Variants in KCNH1 observed in about 807,000 individuals in gnomAD.
The protein encoded by KCNH1 is potassium voltage-gated channel subfamily H member 1.
In KCNH1, 27 loss-of-function variants were observed where a neutral mutation model predicts 69.2. The observed-to-expected ratio is 0.39, with a 90% CI of 0.29 to 0.54. KCNH1 has a LOEUF of 0.54. Ranked by LOEUF, KCNH1 falls within the 20% of genes least tolerant of loss-of-function variation. The pLI is 0.68. For synonymous variants in KCNH1, 456 were observed against 487.7 expected, an observed-to-expected ratio of 0.93 and a Z score of 0.86; for missense variants, 798 against 1,261.6, an observed-to-expected ratio of 0.63 and a Z score of 5.57.
intron 9 of KCNH1, among the ~76,000 whole-genome samples, chr1:210,792,651 C>T (rs2102394224): frequency 6.6e-6 from 1 of 151,466 alleles, no homozygotes; most frequent in Admixed American, 6.6e-5. Flanking sequence ...CTGCTTGATG[C>T]AGCCTGGCCA....
At chr1:211,031,423 G>A (rs537072594) in intron 5 of KCNH1, among the ~76,000 whole-genome samples, 14 of 152,146 alleles carry the variant, frequency 9.2e-5, no homozygotes, top group South Asian at 4.2e-4. Context: ...TACCAAAGCC[G>A]GACAGAGACA....
rs143778420 is a variant in KCNH1, at chr1:210,927,190, A to G, written c.1033-7121T>C. On this transcript the variant is annotated intron_variant, in intron 6 of 10. Transcript: ENST00000271751. ...ACTTCCCCAGCCTTGCTAGAGATCTAGACATCCAAATAAAAGAAGCTCAAA... is the reference window on the plus strand; with the variant it reads ...ACTTCCCCAGCCTTGCTAGAGATCTGGACATCCAAATAAAAGAAGCTCAAA... Among the ~76,000 whole-genome samples, 40 of 152,332 alleles carry G rather than the reference A, an allele frequency of 2.6e-4. No homozygotes were observed. In the East Asian group the frequency reaches 7.7e-3, roughly 29 times the overall value.
chr1:211,022,545 G>A (rs1392472102), intron 5 of KCNH1, among the ~76,000 whole-genome samples: 4 of 152,098 alleles, frequency 2.6e-5, no homozygotes, highest in Admixed American at 1.3e-4. Flanking sequence ...ACAACCTACA[G>A]AATGGGAGAA....
rs770971374 is a variant in KCNH1, at chr1:211,019,236, G to A, written c.579C>T (p.Asp193=). 3 of 1,608,546 alleles carry A rather than the reference G, an allele frequency of 1.9e-6. No homozygotes were observed. The highest frequency in any genetic ancestry group is 1.1e-5 in the South Asian group (1 of 90,754). ...RLAEVLQLGS[D]ILPQYKQEAP... ...CCTCTTGCTTGTACTGGGGAAGGAT[G>A]TCTGAGCCCAGCTGTAGGACCTGTA... Residue 193 remains aspartate, a synonymous_variant, in exon 6 of 11, where the codon GAC becomes GAT. Transcript: ENST00000271751.
intron 7 of KCNH1, among the ~76,000 whole-genome samples, chr1:210,823,115 C>G (rs1404947443): frequency 1.3e-5 from 2 of 152,144 alleles, no homozygotes; most frequent in African/African-American, 4.8e-5. Context: ...GTCCTGCTGA[C>G]TATGTCCATG....
At chr1:211,001,641 A>T (rs1045641562) in intron 6 of KCNH1, among the ~76,000 whole-genome samples, 1 of 152,158 alleles carries the variant, frequency 6.6e-6, no homozygotes. Context: ...AAATACCATT[A>T]GACCCAGCCA....
At chr1:210,698,935 G>A (rs1017622711) in intron 10 of KCNH1, among the ~76,000 whole-genome samples, 10 of 152,286 alleles carry the variant, frequency 6.6e-5, no homozygotes, top group Non-Finnish European at 2.9e-5. Context: ...AGTAGAGAAC[G>A]GACTTCCTAC....
intron 6 of KCNH1, among the ~76,000 whole-genome samples, chr1:210,981,868 G>A (rs1294088256): frequency 2.6e-5 from 4 of 152,212 alleles, no homozygotes; most frequent in Middle Eastern, 3.4e-3. Flanking sequence ...TTCAAGGCAG[G>A]GTAAAGAGGG....
At chr1:211,099,796 C>T (rs528029629) in intron 3 of KCNH1, among the ~76,000 whole-genome samples, 7 of 152,278 alleles carry the variant, frequency 4.6e-5, no homozygotes, top group African/African-American at 1.7e-4. Flanking sequence ...GGGCTTCCTA[C>T]TTCCTGGGCT....
At chr1:211,023,919 A>C (rs888671334) in intron 5 of KCNH1, among the ~76,000 whole-genome samples, 3 of 152,174 alleles carry the variant, frequency 2.0e-5, no homozygotes, top group Admixed American at 6.5e-5. Context: ...TATATATTTC[A>C]AAATAACTAG....
At chr1:211,052,002 C>T (rs1023653504) in intron 5 of KCNH1, among the ~76,000 whole-genome samples, 3 of 152,272 alleles carry the variant, frequency 2.0e-5, no homozygotes, top group South Asian at 2.1e-4. Flanking sequence ...AATCCCTAAA[C>T]CTGATTTCAG....
intron 6 of KCNH1, among the ~76,000 whole-genome samples, chr1:211,009,986 G>T (rs1181521172): frequency 6.6e-6 from 1 of 152,198 alleles, no homozygotes; most frequent in Non-Finnish European, 1.5e-5. Flanking sequence ...GCTGGGTGTT[G>T]TCAGTCTGAG....
intron 7 of KCNH1, among the ~76,000 whole-genome samples, chr1:210,806,330 T>C (rs183141030): frequency 6.6e-6 from 1 of 152,340 alleles, no homozygotes; most frequent in Admixed American, 6.5e-5. Flanking sequence ...TTAAGCTTCT[T>C]TTCATGTGCT....
In KCNH1 at chr1:210,732,842, C is replaced by T. The variant is rs12036230; in HGVS notation, c.2112+42506G>A. 3.0e-4 allele frequency among the ~76,000 whole-genome samples: 46 copies of T among 152,302 alleles called. No homozygotes were observed. In the East Asian group the frequency reaches 7.7e-3, roughly 26 times the overall value. On this transcript the variant is annotated intron_variant, in intron 10 of 10. Coordinates refer to ENST00000271751, the MANE Select transcript of KCNH1 (RefSeq NM_172362.3). ...GAGGGCAGAGCCCTCATGACCTAAT[C>T]GCCTCTCAAAGGGCCTACCTACTAA... is the stretch of plus-strand genomic sequence containing the variant.
At chr1:211,057,143 G>T (rs1176030757) in intron 5 of KCNH1, among the ~76,000 whole-genome samples, 1 of 152,146 alleles carries the variant, frequency 6.6e-6, no homozygotes, top group East Asian at 1.9e-4. Context: ...CATAGAGAAA[G>T]AATTTAGAAT....
intron 5 of KCNH1, among the ~76,000 whole-genome samples, chr1:211,069,342 G>A (rs1690592131): frequency 7.3e-6 from 1 of 137,406 alleles, no homozygotes; most frequent in South Asian, 2.2e-4. Flanking sequence ...CATGACAGCT[G>A]ACTTTCAACA....
chr1:210,766,551 C>T (rs900345936), intron 10 of KCNH1, among the ~76,000 whole-genome samples: 1 of 152,022 alleles, frequency 6.6e-6, no homozygotes, highest in Non-Finnish European at 1.5e-5. Context: ...ATAATGAGAG[C>T]TACAAAGAGG....
chr1:211,104,106 A>G (rs185269689), intron 2 of KCNH1, among the ~76,000 whole-genome samples: 1 of 152,378 alleles, frequency 6.6e-6, no homozygotes, highest in Admixed American at 6.5e-5. Flanking sequence ...AGTTCATTTC[A>G]GTATGATTGA....
intron 5 of KCNH1, among the ~76,000 whole-genome samples, chr1:211,027,857 G>C (rs1245934344): frequency 6.6e-6 from 1 of 151,818 alleles, no homozygotes; most frequent in Non-Finnish European, 1.5e-5. Context: ...AGGAGAAACA[G>C]ACCCACAGTA....
Sources: allele counts gnomAD v4.1 joint callset (sites outside exome capture counted in the v4.1 genomes callset), GRCh38; gene constraint gnomAD v4.1.1; transcripts MANE v1.5; gene names NCBI Gene and HGNC (gene_info 2026-07-23, HGNC 2026-07-21).